SVIL: variants seen among roughly 807,000 people sequenced by gnomAD.
SVIL encodes the protein archvillin.
A neutral mutation model predicts 240.4 loss-of-function variants in SVIL; 101 were observed. The observed-to-expected ratio is 0.42, with a 90% CI of 0.36 to 0.50. The LOEUF (loss-of-function observed/expected upper bound fraction) is 0.50. SVIL is among the 20% of genes least tolerant of loss of function. The probability of loss-of-function intolerance (pLI) is 0.01; values close to 1 mark genes in which losing one functional copy is unlikely to be tolerated. For missense variants in SVIL, 2,512 were observed against 2,818.7 expected (o/e 0.89, Z 2.46); for synonymous variants, 999 against 1,100.0 (o/e 0.91, Z 1.82).
chr10:29,521,824 G>A (rs372163981), intron 16 of SVIL, among the ~76,000 whole-genome samples: 64 of 152,302 alleles, frequency 4.2e-4, no homozygotes, highest in African/African-American at 1.5e-3. Flanking sequence ...AGGCTACTGT[G>A]TTATTTGATG....
chr10:29,589,244 C>T (rs1956291642), intron 1 of SVIL, among the ~76,000 whole-genome samples: 1 of 152,128 alleles, frequency 6.6e-6, no homozygotes, highest in Non-Finnish European at 1.5e-5. Context: ...CCCATGCCGC[C>T]CTATCACATC....
chr10:29,526,836 T>C (rs767195540), intron 13 of SVIL, 125 bp downstream of exon 13: 17 of 801,194 alleles, frequency 2.1e-5, no homozygotes, highest in Non-Finnish European at 3.2e-5. Context: ...ATGCCACGCA[T>C]TCTGGAACAA....
chr10:29,625,461 A>AT (rs1439614509), intron 1 of SVIL, among the ~76,000 whole-genome samples: 7 of 151,648 alleles, frequency 4.6e-5, no homozygotes, highest in African/African-American at 1.7e-4. Context: ...ACATATATAT[A>AT]TATTTTTTTT....
At chr10:29,485,379 A>G (rs1264568312) in intron 26 of SVIL, among the ~76,000 whole-genome samples, 1 of 152,202 alleles carries the variant, frequency 6.6e-6, no homozygotes, top group Non-Finnish European at 1.5e-5. Flanking sequence ...TCTTATGTTC[A>G]TGGTTCATTT....
chr10:29,526,093 G>A (rs1422755192), intron 13 of SVIL, among the ~76,000 whole-genome samples: 2 of 152,108 alleles, frequency 1.3e-5, no homozygotes, highest in Non-Finnish European at 2.9e-5. Flanking sequence ...TCTGAAACAC[G>A]ACAGTAAAAC....
chr10:29,646,404 C>T (rs1370805623), intron 3 of SVIL, among the ~76,000 whole-genome samples: 1 of 152,128 alleles, frequency 6.6e-6, no homozygotes, highest in African/African-American at 2.4e-5. Flanking sequence ...CTTGGCATCA[C>T]TTTCACAAAT....
intron 8 of SVIL, 107 bp downstream of exon 8, chr10:29,532,422 C>T (rs1951436487): frequency 2.0e-6 from 3 of 1,470,412 alleles, no homozygotes; most frequent in Non-Finnish European, 1.8e-6. Context: ...CACTTGTGAG[C>T]TAAGCTAATA....
intron 1 of SVIL, among the ~76,000 whole-genome samples, chr10:29,720,448 T>C (rs1035428280): frequency 6.6e-6 from 1 of 151,906 alleles, no homozygotes; most frequent in Non-Finnish European, 1.5e-5. Context: ...CTTATAAAAA[T>C]AAAGGCAAAA....
intron 1 of SVIL, among the ~76,000 whole-genome samples, chr10:29,573,965 G>A (rs1479786621): frequency 6.6e-6 from 1 of 152,132 alleles, no homozygotes; most frequent in Admixed American, 6.5e-5. Flanking sequence ...CAAAGTGCTG[G>A]GATTACAGGT....
In SVIL at chr10:29,554,896, T is replaced by C; in HGVS notation, c.47A>G (p.Asn16Ser). 1 of 1,613,382 alleles carries C rather than the reference T, an allele frequency of 6.2e-7. No homozygotes were observed. ...RIARRLEGIE[N>S]DTQPILLQSC... ...CTGCAAGAGGATGGGCTGAGTGTCA[T>C]TTTCAATCCCTTCCAGGCGCCTGGC... Residue 16 changes from asparagine to serine, a missense_variant, in exon 5 of 38, where the codon AAT (asparagine) becomes AGT (serine). Around this residue, in one of 3 missense-constraint regions of SVIL, gnomAD observed 1,443 missense variants for 1,486.6 expected, o/e 0.97. Coordinates refer to ENST00000355867, the MANE Select transcript of SVIL (RefSeq NM_021738.3).
intron 18 of SVIL, among the ~76,000 whole-genome samples, chr10:29,496,985 G>A (rs1948494640): frequency 6.6e-6 from 1 of 152,168 alleles, no homozygotes; most frequent in Admixed American, 6.5e-5. Flanking sequence ...AGAAGGGTTG[G>A]GGCTCACGTT....
chr10:29,643,634 C>G (rs912858771), intron 3 of SVIL, among the ~76,000 whole-genome samples: 2 of 152,178 alleles, frequency 1.3e-5, no homozygotes, highest in African/African-American at 2.4e-5. Context: ...AACAACCCCC[C>G]ACCCCTGCCG....
At chr10:29,565,023 C>T (rs1234254424) in intron 2 of SVIL, among the ~76,000 whole-genome samples, 1 of 150,572 alleles carries the variant, frequency 6.6e-6, no homozygotes, top group Non-Finnish European at 1.5e-5. Context: ...AACATCTTGA[C>T]AAAGCTCTAT....
chr10:29,702,363 A>G (rs1445061240), intron 1 of SVIL, among the ~76,000 whole-genome samples: 1 of 151,828 alleles, frequency 6.6e-6, no homozygotes, highest in Non-Finnish European at 1.5e-5. Context: ...TACAGCATTT[A>G]TATGTCTCAC....
rs541683542 is a variant in SVIL, at chr10:29,509,324, G to A, written c.3516+3411C>T. ...GGGGGAGAGAGAAAGGGAGAAGGAG[G>A]GGGAGGGAGAGAGAGAGAGAGAGAG... On this transcript the variant is annotated intron_variant, in intron 17 of 37. Transcript: ENST00000355867. 3.2e-3 allele frequency among the ~76,000 whole-genome samples: 256 copies of A among 79,774 alleles called. 4 individuals carry two copies. The highest frequency in any genetic ancestry group is 6.9e-3 in the South Asian group (13 of 1,896). The allele number at this position is 79,774 out of a possible 152,430, so 52.3% of individuals were successfully genotyped here. A position where few individuals can be genotyped will look rare whatever the true frequency, so the allele number is the denominator to read the frequency against.
chr10:29,703,975 A>AT (rs1564779184), intron 1 of SVIL, among the ~76,000 whole-genome samples: 1 of 151,870 alleles, frequency 6.6e-6, no homozygotes, highest in Non-Finnish European at 1.5e-5. Flanking sequence ...TAATTTTTTA[A>AT]TTTTTTGTAG....
intron 17 of SVIL, among the ~76,000 whole-genome samples, chr10:29,511,635 C>G (rs954537760): frequency 3.9e-4 from 60 of 152,180 alleles, no homozygotes; most frequent in African/African-American, 1.4e-3. Context: ...TATGCACATG[C>G]ATATACTTTC....
intron 17 of SVIL, among the ~76,000 whole-genome samples, chr10:29,500,047 G>C (rs1246118720): frequency 1.3e-5 from 2 of 152,166 alleles, no homozygotes; most frequent in African/African-American, 4.8e-5. Flanking sequence ...AGGGGAAGGG[G>C]AAGAAGCTAC....
At chr10:29,589,322 AAAG>A (rs1433674841) in intron 1 of SVIL, among the ~76,000 whole-genome samples, 1 of 152,118 alleles carries the variant, frequency 6.6e-6, no homozygotes, top group Admixed American at 6.5e-5. Context: ...TAACTTAGGC[AAAG>A]GAGGAGAGGA....
Sources: gnomAD v4.1 joint callset for allele counts (sites outside exome capture counted in the v4.1 genomes callset) on GRCh38, gnomAD v4.1.1 for gene constraint, gnomAD v4.1.1 regional missense constraint, MANE v1.5 for transcripts, NCBI Gene and HGNC (gene_info 2026-07-23, HGNC 2026-07-21) for gene names.